The following CTNNA3 variants were observed in gnomAD, a reference collection of about 807,000 sequenced individuals.
The protein encoded by CTNNA3 is catenin alpha 3.
In CTNNA3, 76 loss-of-function variants were observed where a neutral mutation model predicts 95.7. That is an observed-to-expected ratio of 0.79 (90% CI 0.66 to 0.96). The LOEUF (loss-of-function observed/expected upper bound fraction) is 0.96, where lower values mean the gene tolerates loss of function less well. Ranked by LOEUF, CTNNA3 falls within the 40% of genes least tolerant of loss-of-function variation. CTNNA3 has a pLI of 0.00. For missense variants in CTNNA3, 1,191 were observed against 1,089.8 expected, an observed-to-expected ratio of 1.09 and a Z score of -1.31; for synonymous variants, 431 against 374.4, an observed-to-expected ratio of 1.15 and a Z score of -1.74.
intron 1 of CTNNA3, among the ~76,000 whole-genome samples, chr10:67,685,256 G>A (rs1053439121): frequency 2.0e-5 from 3 of 152,136 alleles, no homozygotes; most frequent in East Asian, 1.9e-4. Flanking sequence ...ATAAACCCTC[G>A]TTCAGTCCAT....
intron 17 of CTNNA3, among the ~76,000 whole-genome samples, chr10:65,963,136 T>C (rs1220606814): frequency 6.6e-6 from 1 of 152,212 alleles, no homozygotes; most frequent in Non-Finnish European, 1.5e-5. Flanking sequence ...GATTTACTAT[T>C]GCCATCTCAA....
chr10:66,489,557 C>G (rs1839848483), intron 11 of CTNNA3, among the ~76,000 whole-genome samples: 1 of 152,274 alleles, frequency 6.6e-6, no homozygotes, highest in African/African-American at 2.4e-5. Context: ...TACACACACA[C>G]ACTTGCGCAT....
At chr10:66,680,187 G>GT (rs1384932976) in intron 9 of CTNNA3, among the ~76,000 whole-genome samples, 3 of 150,662 alleles carry the variant, frequency 2.0e-5, no homozygotes, top group African/African-American at 4.9e-5. Flanking sequence ...TTTGTTTTTT[G>GT]TTTTTTTGTT....
At chr10:66,970,478 C>T (rs1289215409) in intron 7 of CTNNA3, among the ~76,000 whole-genome samples, 3 of 140,728 alleles carry the variant, frequency 2.1e-5, no homozygotes, top group South Asian at 4.6e-4. Context: ...CAGAAATACT[C>T]CACAAAAGGT....
rs116742947 is a variant in CTNNA3 at position 66,180,072 on chromosome 10, A to G, written c.1885-76823T>C. Among the ~76,000 whole-genome samples, 1,008 of 152,320 alleles carry G rather than the reference A, an allele frequency of 6.6e-3. 21 individuals carry two copies. Among genetic ancestry groups the G allele is most frequent in the African/African-American group, 0.023 (939 of 41,578 alleles). Reference sequence around the variant, plus strand: ...AGAGATGCTGACCTAATGGCGGCATATTATGGCTGTATGCTGCCAATTAGA... The same window carrying G: ...AGAGATGCTGACCTAATGGCGGCATGTTATGGCTGTATGCTGCCAATTAGA... On this transcript the variant is annotated intron_variant, in intron 13 of 17. Coordinates refer to ENST00000433211, the MANE Select transcript of CTNNA3 (RefSeq NM_013266.4).
chr10:66,627,391 C>A (rs531810028), intron 9 of CTNNA3, among the ~76,000 whole-genome samples: 1 of 152,220 alleles, frequency 6.6e-6, no homozygotes, highest in South Asian at 2.1e-4. Context: ...CCACCTACAG[C>A]CCTGAATCAC....
intron 9 of CTNNA3, among the ~76,000 whole-genome samples, chr10:66,655,375 G>A (rs967405441): frequency 4.0e-5 from 6 of 151,806 alleles, no homozygotes; most frequent in Non-Finnish European, 8.8e-5. Context: ...ATTTTAAGAC[G>A]ACAGAAATGT....
rs546838072 is a variant in CTNNA3, at chr10:66,711,061, CT to C, written c.1281+55202del. Among the ~76,000 whole-genome samples, 38 of 151,994 alleles carry C rather than the reference CT, an allele frequency of 2.5e-4. 1 individual carries two copies. In the South Asian group the frequency reaches 7.9e-3, roughly 32 times the overall value. On this transcript the variant is annotated intron_variant, in intron 9 of 17. Transcript: ENST00000433211. ...GATCAAAAGATTCAGAGTTAGCCACCTGAGGTAGGCAGTGTGGAAACCTACT... is the reference window on the plus strand; with the variant it reads ...GATCAAAAGATTCAGAGTTAGCCACCGAGGTAGGCAGTGTGGAAACCTACT...
intron 5 of CTNNA3, among the ~76,000 whole-genome samples, chr10:67,311,670 AC>A (rs1840807136): frequency 6.6e-6 from 1 of 152,204 alleles, no homozygotes; most frequent in Non-Finnish European, 1.5e-5. Context: ...TTAGTAAAGC[AC>A]ACTCACAGAC....
intron 13 of CTNNA3, among the ~76,000 whole-genome samples, chr10:66,158,437 G>C (rs1181727187): frequency 6.6e-6 from 1 of 151,924 alleles, no homozygotes; most frequent in Non-Finnish European, 1.5e-5. Context: ...GTTTTTGTTT[G>C]TTTTGTCAAA....
intron 2 of CTNNA3, among the ~76,000 whole-genome samples, chr10:67,642,276 C>T (rs1839562184): frequency 6.6e-6 from 1 of 151,724 alleles, no homozygotes. Flanking sequence ...AAAATTTTTG[C>T]AATCTATTCA....
chr10:66,422,873 A>ACT (rs1554960371), intron 11 of CTNNA3, among the ~76,000 whole-genome samples: 1 of 151,074 alleles, frequency 6.6e-6, no homozygotes, highest in African/African-American at 2.4e-5. Flanking sequence ...CAAGTGATCC[A>ACT]CCTCCCTCGG....
intron 13 of CTNNA3, among the ~76,000 whole-genome samples, chr10:66,135,612 T>A (rs529416688): frequency 6.6e-6 from 1 of 152,318 alleles, no homozygotes; most frequent in South Asian, 2.1e-4. Flanking sequence ...CAATGGATGC[T>A]AAATTCATTA....
At chr10:67,330,415 A>G (rs1841731468) in intron 5 of CTNNA3, among the ~76,000 whole-genome samples, 1 of 152,112 alleles carries the variant, frequency 6.6e-6, no homozygotes, top group Non-Finnish European at 1.5e-5. Flanking sequence ...AGTAAGATCT[A>G]CTCCTAGGAG....
intron 15 of CTNNA3, among the ~76,000 whole-genome samples, chr10:66,043,956 C>CTGTGTGTGTGTGTGTGTGTGTGTGTGTG (rs59559225): frequency 1.4e-5 from 2 of 144,376 alleles, no homozygotes; most frequent in Non-Finnish European, 3.1e-5. Flanking sequence ...TAGGACTATG[C>CTGTGTGTGTGTGTGTGTGTGTGTGTGTG]TGTGTGTGTG....
At chr10:66,655,096 C>T (rs1846030268) in intron 9 of CTNNA3, among the ~76,000 whole-genome samples, 1 of 151,816 alleles carries the variant, frequency 6.6e-6, no homozygotes, top group African/African-American at 2.4e-5. Flanking sequence ...GTTCTTACCA[C>T]AAAAAAATGT....
intron 7 of CTNNA3, among the ~76,000 whole-genome samples, chr10:67,014,612 A>C (rs1430233191): frequency 6.6e-6 from 1 of 152,116 alleles, no homozygotes; most frequent in Non-Finnish European, 1.5e-5. Flanking sequence ...TTAGTAGCTA[A>C]TGGAAAAAAA....
rs1471755942 is a variant in CTNNA3 at position 66,840,147 on chromosome 10, A to C, written c.1048-64623T>G. Among the ~76,000 whole-genome samples, 4 of 152,264 alleles carry C rather than the reference A, an allele frequency of 2.6e-5. No homozygotes were observed. In the South Asian group the frequency reaches 6.2e-4, roughly 24 times the overall value. ...AATATTATTGTTCATGCTGAAATGC[A>C]AGAAGCCCTCACTGCCCAACAAGGG... is the stretch of plus-strand genomic sequence containing the variant. On this transcript the variant is annotated intron_variant, in intron 7 of 17. Transcript: ENST00000433211.
chr10:66,004,516 C>T (rs1456914828), intron 15 of CTNNA3, among the ~76,000 whole-genome samples: 1 of 152,066 alleles, frequency 6.6e-6, no homozygotes, highest in Admixed American at 6.6e-5. Flanking sequence ...GGTCCATGAT[C>T]GACCATCCGA....
Sources: gnomAD v4.1 joint callset for allele counts (sites outside exome capture counted in the v4.1 genomes callset) on GRCh38, gnomAD v4.1.1 for gene constraint, MANE v1.5 for transcripts, NCBI Gene and HGNC (gene_info 2026-07-23, HGNC 2026-07-21) for gene names.